CFAP20DC: variants seen among roughly 807,000 people sequenced by gnomAD.
The protein encoded by CFAP20DC is CFAP20 domain containing, also known as protein CFAP20DC.
A neutral mutation model predicts 101.7 loss-of-function variants in CFAP20DC; 84 were observed. That is an observed-to-expected ratio of 0.83 (90% CI 0.69 to 0.99). The LOEUF is 0.99. Ranked by LOEUF, CFAP20DC falls within the 50% of genes least tolerant of loss-of-function variation. CFAP20DC has a pLI of 0.00. For synonymous variants in CFAP20DC, 359 were observed against 351.2 expected (o/e 1.02, Z -0.25); for missense variants, 1,007 against 970.3 (o/e 1.04, Z -0.50).
chr3:58,843,687 G>C (rs2077354841), intron 13 of CFAP20DC, among the ~76,000 whole-genome samples: 1 of 150,588 alleles, frequency 6.6e-6, no homozygotes, highest in African/African-American at 2.4e-5. Flanking sequence ...TCCTCGAGAA[G>C]AGCAACTCCA....
chr3:59,015,408 A>G lies in CFAP20DC; in HGVS notation c.278+24149T>C, dbSNP rs2093668206. The stretch of plus-strand genomic sequence containing the variant: ...TAAAAGAAGTAAAAGGCAAAGGGCA[A>G]GAATAAAGATAGATGGAAGGGAAGA... On this transcript the variant is annotated intron_variant, in intron 4 of 16. Transcript: ENST00000482387. The surrounding 1 kb of genome is among the most constrained non-coding windows in gnomAD (Gnocchi z 5.4). Among the ~76,000 whole-genome samples, 1 of 152,030 alleles carries G rather than the reference A, an allele frequency of 6.6e-6. No individual in the cohort carries two copies. The highest frequency in any genetic ancestry group is 2.1e-4 in the South Asian group (1 of 4,822).
chr3:58,774,690 G>A (rs540084593), intron 15 of CFAP20DC, among the ~76,000 whole-genome samples: 1 of 152,338 alleles, frequency 6.6e-6, no homozygotes, highest in Non-Finnish European at 1.5e-5. Context: ...TGAATGTGAA[G>A]TGCATCTATA....
chr3:58,922,410 C>A (rs1156659988), intron 5 of CFAP20DC, among the ~76,000 whole-genome samples: 1 of 152,140 alleles, frequency 6.6e-6, no homozygotes, highest in Non-Finnish European at 1.5e-5. Context: ...AAAGTTCGTG[C>A]CCAATGTTAG....
In CFAP20DC at chr3:58,952,192, C is replaced by T. The variant is rs190312613; in HGVS notation, c.279-14430G>A. Among the ~76,000 whole-genome samples, 639 of 152,288 alleles carry T rather than the reference C, an allele frequency of 4.2e-3. 4 individuals are homozygous for T. The highest frequency in any genetic ancestry group is 6.4e-3 in the Non-Finnish European group (436 of 68,014). The stretch of plus-strand genomic sequence containing the variant: ...CTTAGTTTTCAGTGATACGTTATTA[C>T]AGTAGTCCCCCTCATCTGTGGTTTC... On this transcript the variant is annotated intron_variant, in intron 4 of 16. Transcript: ENST00000482387.
chr3:58,979,549 A>T (rs1035797268), intron 4 of CFAP20DC, among the ~76,000 whole-genome samples: 3 of 152,214 alleles, frequency 2.0e-5, no homozygotes, highest in African/African-American at 7.2e-5. Context: ...CAGTATGACA[A>T]GAATGAAATT....
intron 4 of CFAP20DC, among the ~76,000 whole-genome samples, chr3:58,961,362 T>C (rs903316538): frequency 6.6e-5 from 10 of 152,158 alleles, no homozygotes; most frequent in Admixed American, 6.6e-4. Flanking sequence ...GAGACAAGCC[T>C]GGCCAACATG....
intron 14 of CFAP20DC, among the ~76,000 whole-genome samples, chr3:58,813,686 C>A (rs2074864194): frequency 6.6e-6 from 1 of 151,894 alleles, no homozygotes; most frequent in South Asian, 2.1e-4. Context: ...TAAATTATCT[C>A]TTGGAAGTGT....
At position 58,719,058 on chromosome 3, in the gene CFAP20DC, C is replaced by T. The variant is rs557976911; in HGVS notation, c.198-1430G>A. 4.9e-4 allele frequency among the ~76,000 whole-genome samples: 74 copies of T among 152,050 alleles called. 1 individual carries two copies. Among genetic ancestry groups the T allele is most frequent in the African/African-American group, 1.7e-3 (71 of 41,468 alleles). On this transcript the variant is annotated intron_variant, in intron 3 of 3. Transcript: ENST00000486145. Reference sequence around the variant, plus strand: ...AGGAGTTTGAGACCAGAGTGGGCAACGTAGGGGAAACCTCGTCTCTACAAA... The same window carrying T: ...AGGAGTTTGAGACCAGAGTGGGCAATGTAGGGGAAACCTCGTCTCTACAAA...
intron 3 of CFAP20DC, among the ~76,000 whole-genome samples, chr3:58,719,099 C>T (rs6798908): frequency 0.077 from 11,692 of 152,078 alleles, 928 homozygotes; most frequent in African/African-American, 0.2. Context: ...AAAAAATTAG[C>T]CAGGTATGGT....
chr3:58,733,034 T>C (rs527903426), intron 3 of CFAP20DC, among the ~76,000 whole-genome samples: 1 of 152,216 alleles, frequency 6.6e-6, no homozygotes, highest in African/African-American at 2.4e-5. Flanking sequence ...TGAAATTGTA[T>C]AAAATCTTGA....
In CFAP20DC at chr3:58,742,438, C is replaced by T; in HGVS notation, c.*22G>A. Reference sequence around the variant, plus strand: ...ATTCTGCTCCAGCTGGGAGTGCCTGCTCTCTGCCCCGGAAGGAGGCATTAT... The same window carrying T: ...ATTCTGCTCCAGCTGGGAGTGCCTGTTCTCTGCCCCGGAAGGAGGCATTAT... On this transcript the variant is annotated 3_prime_UTR_variant, in exon 17 of 17. Coordinates refer to ENST00000482387, the MANE Select transcript of CFAP20DC (RefSeq NM_001394063.1). 6.3e-7 allele frequency: 1 copy of T among 1,576,980 alleles called. No homozygotes were observed. Among genetic ancestry groups the T allele is most frequent in the Non-Finnish European group, 8.6e-7 (1 of 1,161,352 alleles).
chr3:58,848,444 G>C (rs1389571318), intron 13 of CFAP20DC, among the ~76,000 whole-genome samples: 1 of 152,102 alleles, frequency 6.6e-6, no homozygotes, highest in Non-Finnish European at 1.5e-5. Context: ...TTGTTCTCTA[G>C]TTTCTAAGTG....
At chr3:58,826,573 G>C (rs2076056063) in intron 14 of CFAP20DC, among the ~76,000 whole-genome samples, 1 of 152,156 alleles carries the variant, frequency 6.6e-6, no homozygotes, top group Non-Finnish European at 1.5e-5. Flanking sequence ...TTCTGTTCCT[G>C]TATTAGTTTG....
intron 7 of CFAP20DC, among the ~76,000 whole-genome samples, chr3:58,884,175 T>C (rs1417534063): frequency 6.6e-6 from 1 of 152,172 alleles, no homozygotes; most frequent in Non-Finnish European, 1.5e-5. Flanking sequence ...CCAGTTGGCT[T>C]CAGTCCCCAC....
chr3:58,973,977 C>G lies in CFAP20DC; in HGVS notation c.279-36215G>C, dbSNP rs568626505. Among the ~76,000 whole-genome samples the G allele has an allele frequency of 2.0e-5, 3 of 152,220 alleles. No individual in the cohort carries two copies. The East Asian group carries it at 5.8e-4, about 29-fold the overall frequency. The stretch of plus-strand genomic sequence containing the variant: ...CACTGGCTGGGAGGCTTGAGGAAAT[C>G]AAAAGCCTGAGGTCAAGGGAGTCTG... On this transcript the variant is annotated intron_variant, in intron 4 of 16. Transcript: ENST00000482387.
chr3:58,935,875 T>C (rs922528262), intron 5 of CFAP20DC, among the ~76,000 whole-genome samples: 7 of 152,166 alleles, frequency 4.6e-5, no homozygotes, highest in African/African-American at 1.7e-4. Flanking sequence ...AAGGACTTCA[T>C]GTCTGAAACA....
intron 4 of CFAP20DC, among the ~76,000 whole-genome samples, chr3:58,978,129 T>G (rs1040176129): frequency 6.6e-6 from 1 of 151,976 alleles, no homozygotes; most frequent in African/African-American, 2.4e-5. Flanking sequence ...GAGAAAAAAA[T>G]GCGGGGAAGC....
intron 4 of CFAP20DC, among the ~76,000 whole-genome samples, chr3:59,010,832 T>A (rs917386413): frequency 2.6e-5 from 4 of 152,072 alleles, no homozygotes; most frequent in Non-Finnish European, 5.9e-5. Context: ...CTCAATACAT[T>A]TAAGAAAATC....
intron 15 of CFAP20DC, among the ~76,000 whole-genome samples, chr3:58,762,347 T>C (rs1256622556): frequency 6.6e-6 from 1 of 152,088 alleles, no homozygotes; most frequent in African/African-American, 2.4e-5. Flanking sequence ...TTATCAGGGA[T>C]GAGGATTGCA....
Sources: allele counts gnomAD v4.1 joint callset (sites outside exome capture counted in the v4.1 genomes callset), GRCh38; gene constraint gnomAD v4.1.1; non-coding constraint Gnocchi (gnomAD v3.1); transcripts MANE v1.5; gene names NCBI Gene and HGNC (gene_info 2026-07-23, HGNC 2026-07-21).